Variants in RBBP4 observed in about 807,000 individuals in gnomAD.
RBBP4 encodes RB binding protein 4, chromatin remodeling factor.
In RBBP4, 3 loss-of-function variants were observed where a neutral mutation model predicts 57.2. The ratio of observed to expected loss-of-function variants is 0.05; its 90% confidence interval spans 0.02 to 0.14. The LOEUF is 0.14. Among genes scored for constraint, RBBP4 ranks in the 10% least tolerant of loss-of-function variants. RBBP4 has a pLI of 1.00. For synonymous variants in RBBP4, 151 were observed against 171.5 expected (o/e 0.88, Z 0.93); for missense variants, 107 against 520.6 (o/e 0.21, Z 7.73).
intron 2 of RBBP4, among the ~76,000 whole-genome samples, chr1:32,653,776 A>G (rs186782031): frequency 1.5e-4 from 22 of 148,722 alleles, no homozygotes; most frequent in Admixed American, 6.9e-4. Flanking sequence ...TTCCTGCCTC[A>G]GCTTCCCAAG....
intron 2 of RBBP4, 106 bp downstream of exon 2, chr1:32,652,167 A>C (rs1647777881): frequency 7.5e-7 from 1 of 1,330,948 alleles, no homozygotes; most frequent in South Asian, 1.5e-5. Context: ...GCATGTGATC[A>C]AAACCTCTTG....
chr1:32,657,524 AATG>A lies in RBBP4; in HGVS notation c.269_271del (p.Asp90del). On this transcript the variant is annotated inframe_deletion, in exon 3 of 12. Coordinates refer to ENST00000373493, the MANE Select transcript of RBBP4 (RefSeq NM_005610.3). ...TGTTATAGCCAGTGTGCAGCTCCCT[AATG>A]ATGATGCTCAGTTTGATGCGTCACA... is the stretch of plus-strand genomic sequence containing the variant. The A allele has an allele frequency of 6.2e-7, 1 of 1,614,164 alleles. No individual in the cohort carries two copies. The highest frequency in any genetic ancestry group is 8.5e-7 in the Non-Finnish European group (1 of 1,180,018).
Position 32,664,810 on chromosome 1 carries a change from TATG to T in RBBP4, c.311-3411_311-3409del, listed in dbSNP as rs558786613. On this transcript the variant is annotated intron_variant, in intron 3 of 11. Transcript: ENST00000373493. ...GTTGTATATGTGCATATCTCAGAGA[TATG>T]ATGGGGGTTCAGTTCCCAATCACTG... Among the ~76,000 whole-genome samples the T allele has an allele frequency of 6.0e-3, 920 of 152,198 alleles. 4 individuals are homozygous for T. The highest frequency in any genetic ancestry group is 0.01 in the Non-Finnish European group (707 of 68,018).
chr1:32,654,339 C>G (rs1165682744), intron 2 of RBBP4, among the ~76,000 whole-genome samples: 1 of 152,150 alleles, frequency 6.6e-6, no homozygotes, highest in African/African-American at 2.4e-5. Context: ...GATCCTGCTA[C>G]TGCACTCCAG....
At chr1:32,654,912 C>G (rs1489386360) in intron 2 of RBBP4, among the ~76,000 whole-genome samples, 1 of 152,158 alleles carries the variant, frequency 6.6e-6, no homozygotes, top group African/African-American at 2.4e-5. Context: ...CCAGGCTGGT[C>G]TTGAACTCCT....
intron 2 of RBBP4, 143 bp downstream of exon 2, chr1:32,652,204 A>G: frequency 1.0e-6 from 1 of 953,802 alleles, no homozygotes; most frequent in Non-Finnish European, 1.5e-6. Context: ...GCCACAAAGT[A>G]AGGCAAAATA....
chr1:32,681,708 A>C lies in RBBP4; in HGVS notation c.*2003A>C. The C allele has an allele frequency of 7.4e-7, 1 of 1,345,376 alleles. No individual in the cohort carries two copies. The highest frequency in any genetic ancestry group is 1.4e-5 in the African/African-American group (1 of 69,234). 83.3% of individuals were successfully genotyped at this position (1,345,376 alleles called of 1,614,324 possible). ...AATCTTTTTAAGCAGGTCAGCCAGT[A>C]TTTGCAACTTCCACAGGATGAATTG... is the stretch of plus-strand genomic sequence containing the variant. On this transcript the variant is annotated 3_prime_UTR_variant, in exon 12 of 12. Coordinates refer to ENST00000373493, the MANE Select transcript of RBBP4 (RefSeq NM_005610.3).
chr1:32,658,864 A>ATG (rs1476047106), intron 3 of RBBP4, among the ~76,000 whole-genome samples: 2 of 151,498 alleles, frequency 1.3e-5, no homozygotes, highest in Non-Finnish European at 2.9e-5. Flanking sequence ...AACTACATAT[A>ATG]TGTGTGTGTA....
In RBBP4 at chr1:32,682,782, A is replaced by G. The variant is rs1649534521; in HGVS notation, c.*3077A>G. On this transcript the variant is annotated 3_prime_UTR_variant, in exon 12 of 12. Coordinates refer to ENST00000373493, the MANE Select transcript of RBBP4 (RefSeq NM_005610.3). ...CGAGACTGTCTCAAAAAAAAAAGAA[A>G]GTTGTGAATTTGATGTAAGCTTAGG... is the stretch of plus-strand genomic sequence containing the variant. The G allele has an allele frequency of 6.6e-6, 1 of 152,122 alleles. No homozygotes were observed. Among genetic ancestry groups the G allele is most frequent in the African/African-American group, 2.4e-5 (1 of 41,426 alleles). The allele number at this position is 152,122 out of a possible 1,614,324, so 9.4% of individuals were successfully genotyped here.
At chr1:32,674,526 C>T (rs545798210) in intron 11 of RBBP4, among the ~76,000 whole-genome samples, 206 of 151,902 alleles carry the variant, frequency 1.4e-3, no homozygotes, top group Middle Eastern at 3.4e-3. Flanking sequence ...GCCCACCCGC[C>T]CCCCACTTTT....
In RBBP4 at chr1:32,669,643, C is replaced by G; in HGVS notation, c.966+80C>G. 1 of 1,507,092 alleles carries G rather than the reference C, an allele frequency of 6.6e-7. No individual in the cohort carries two copies. The highest frequency in any genetic ancestry group is 1.4e-5 in the South Asian group (1 of 73,578). 93.4% of individuals were successfully genotyped at this position (1,507,092 alleles called of 1,614,324 possible). A position where few individuals can be genotyped will look rare whatever the true frequency, so the allele number is the denominator to read the frequency against. On this transcript the variant is annotated intron_variant, in intron 8 of 11. Transcript: ENST00000373493. The surrounding 1 kb of genome is among the most constrained non-coding windows in gnomAD (Gnocchi z 4.9). Reference sequence around the variant, plus strand: ...CGGTCGCTCACGCCTGTAATCCCAGCACTTTGGGAGGCTGAAGCGGGCGGA... The same window carrying G: ...CGGTCGCTCACGCCTGTAATCCCAGGACTTTGGGAGGCTGAAGCGGGCGGA...
chr1:32,653,649 TTTTTTTTTTTG>T (rs1648000060), intron 2 of RBBP4, among the ~76,000 whole-genome samples: 101 of 24,040 alleles, frequency 4.2e-3, no homozygotes, highest in African/African-American at 0.012. Flanking sequence ...TTTTTTTTTT[TTTTTTTTTTTG>T]TTTTTGTTTT....
rs1198686809 is a variant in RBBP4 at position 32,684,593 on chromosome 1, C to T, written c.*4888C>T. ...CTTTTGAAAATGATGACGAAAAAGG[C>T]ATCTTGTCTGTTAACCACAGCTTGC... On this transcript the variant is annotated 3_prime_UTR_variant, in exon 12 of 12. Coordinates refer to ENST00000373493, the MANE Select transcript of RBBP4 (RefSeq NM_005610.3). The T allele has an allele frequency of 4.3e-5, 27 of 634,746 alleles. No individual in the cohort carries two copies. Among genetic ancestry groups the T allele is most frequent in the Non-Finnish European group, 6.7e-5 (26 of 389,504 alleles). The allele number at this position is 634,746 out of a possible 1,614,324, so 39.3% of individuals were successfully genotyped here.
At chr1:32,675,275 A>G (rs1649050407) in intron 11 of RBBP4, among the ~76,000 whole-genome samples, 1 of 151,522 alleles carries the variant, frequency 6.6e-6, no homozygotes, top group African/African-American at 2.4e-5. Context: ...ACCTCAGGTG[A>G]TCTGCCTGCC....
chr1:32,653,900 C>T lies in RBBP4; in HGVS notation c.164+1839C>T, dbSNP rs544858681. Among the ~76,000 whole-genome samples, 17 of 151,868 alleles carry T rather than the reference C, an allele frequency of 1.1e-4. No individual in the cohort carries two copies. The South Asian group carries it at 3.3e-3, about 30-fold the overall frequency. On this transcript the variant is annotated intron_variant, in intron 2 of 11. Transcript: ENST00000373493. ...GTCTCAATCTCCTGACCTCATGATC[C>T]ACCCGCCTCGGCCTTCCAAAGTGCT...
In RBBP4 at chr1:32,679,931, T is replaced by C. The variant is rs1236685173; in HGVS notation, c.*226T>C. On this transcript the variant is annotated 3_prime_UTR_variant, in exon 12 of 12. Transcript: ENST00000373493. Reference sequence around the variant, plus strand: ...GTTGAAATTTTCTTCAGGAATTTTCTAGTAACCCAGGTCTAAAGTAGCTAC... The same window carrying C: ...GTTGAAATTTTCTTCAGGAATTTTCCAGTAACCCAGGTCTAAAGTAGCTAC... 2 of 1,298,598 alleles carry C rather than the reference T, an allele frequency of 1.5e-6. No individual in the cohort carries two copies. The highest frequency in any genetic ancestry group is 1.9e-6 in the Non-Finnish European group (2 of 1,026,888). The allele number at this position is 1,298,598 out of a possible 1,614,324, so 80.4% of individuals were successfully genotyped here.
intron 3 of RBBP4, chr1:32,662,172 C>G (rs900849237): frequency 1.3e-5 from 4 of 309,276 alleles, no homozygotes; most frequent in African/African-American, 8.9e-5. Context: ...GCTTGAGCCA[C>G]CGCGCCCGGG....
At chr1:32,675,618 A>T (rs895691007) in intron 11 of RBBP4, among the ~76,000 whole-genome samples, 4 of 151,432 alleles carry the variant, frequency 2.6e-5, no homozygotes, top group African/African-American at 7.3e-5. Flanking sequence ...AAATACAAAA[A>T]ATTAGCCGGG....
intron 1 of RBBP4, chr1:32,651,558 TC>T (rs1388703938): frequency 3.5e-6 from 4 of 1,131,740 alleles, no homozygotes; most frequent in Non-Finnish European, 4.7e-6. Context: ...TTGTTTCTCT[TC>T]CTGCCTCCGA....
Sources: allele counts gnomAD v4.1 joint callset (sites outside exome capture counted in the v4.1 genomes callset), GRCh38; gene constraint gnomAD v4.1.1; non-coding constraint Gnocchi (gnomAD v3.1); transcripts MANE v1.5; gene names NCBI Gene and HGNC (gene_info 2026-07-23, HGNC 2026-07-21).